RFWD3: variants seen among roughly 807,000 people sequenced by gnomAD.
The protein encoded by RFWD3 is E3 ubiquitin-protein ligase RFWD3.
A neutral mutation model predicts 87.7 loss-of-function variants in RFWD3; 65 were observed. The observed-to-expected ratio is 0.74, with a 90% CI of 0.61 to 0.91. RFWD3 has a LOEUF of 0.91. Among genes scored for constraint, RFWD3 ranks in the 40% least tolerant of loss-of-function variants. The probability of loss-of-function intolerance (pLI) is 0.00; values close to 1 mark genes in which losing one functional copy is unlikely to be tolerated. For missense variants in RFWD3, 1,078 were observed against 938.5 expected, an observed-to-expected ratio of 1.15 and a Z score of -1.94; for synonymous variants, 433 against 352.8, an observed-to-expected ratio of 1.23 and a Z score of -2.55.
chr16:74,640,386 C>T (rs910261856), intron 6 of RFWD3, among the ~76,000 whole-genome samples: 2 of 151,950 alleles, frequency 1.3e-5, no homozygotes, highest in South Asian at 2.1e-4. Flanking sequence ...CCTTGTGATC[C>T]GCCCACCTCA....
chr16:74,661,014 C>T lies in RFWD3; in HGVS notation c.436G>A (p.Val146Ile). ...CTCCTTCTTGTTCTCATTGGCCCTACACTGTGGTTTGAAGATGAAGGTCTC... is the reference window on the plus strand; with the variant it reads ...CTCCTTCTTGTTCTCATTGGCCCTATACTGTGGTTTGAAGATGAAGGTCTC... ...FLRPSSSNHS[V>I]GPMRTRRRVS... The change falls in exon 2 of 13, where the codon GTA (valine) becomes ATA (isoleucine). Residue 146 changes from valine (V) to isoleucine (I), a missense_variant. Physicochemically the swap from Val to Ile is conservative, Grantham distance 29. Coordinates refer to ENST00000361070, the MANE Select transcript of RFWD3 (RefSeq NM_018124.4). 1 of 1,614,246 alleles carries T rather than the reference C, an allele frequency of 6.2e-7. No individual in the cohort carries two copies. Among genetic ancestry groups the T allele is most frequent in the South Asian group, 1.1e-5 (1 of 91,088 alleles).
At chr16:74,644,482 G>A (rs1432169308) in intron 5 of RFWD3, 29 bp from the exon 6 acceptor site, 3 of 1,613,942 alleles carry the variant, frequency 1.9e-6, no homozygotes, top group East Asian at 2.2e-5. Context: ...CATAATTAGA[G>A]TGGTTCTAGG....
chr16:74,628,382 C>A, intron 11 of RFWD3, 70 bp downstream of exon 11: 1 of 1,452,976 alleles, frequency 6.9e-7, no homozygotes, highest in Non-Finnish European at 9.6e-7. Flanking sequence ...AGGGTAGGAT[C>A]AAACCCTCCT....
intron 4 of RFWD3, among the ~76,000 whole-genome samples, chr16:74,645,403 G>A (rs755058477): frequency 1.3e-5 from 2 of 152,206 alleles, no homozygotes; most frequent in African/African-American, 2.4e-5. Context: ...TGAGAAATGC[G>A]TCTTTAGGCG....
Position 74,630,845 on chromosome 16 carries a change from T to G in RFWD3, c.1690A>C (p.Ile564Leu). The G allele has an allele frequency of 6.2e-7, 1 of 1,613,580 alleles. No individual in the cohort carries two copies. The highest frequency in any genetic ancestry group is 8.5e-7 in the Non-Finnish European group (1 of 1,179,832). ...YIYAGLANGS[I>L]LVYDVRNTSS... The stretch of plus-strand genomic sequence containing the variant: ...GTGTTTCGCACGTCATATACCAGAA[T>G]TGAACCATTGGCCAGTCCAGCATAG... Residue 564 changes from isoleucine (I) to leucine (L), a missense_variant, in exon 10 of 13, where the codon ATT becomes CTT. Ile to Leu is a conservative substitution (Grantham distance 5). Transcript: ENST00000361070.
At chr16:74,649,747 A>G (rs191436539) in intron 3 of RFWD3, among the ~76,000 whole-genome samples, 117 of 152,290 alleles carry the variant, frequency 7.7e-4, no homozygotes, top group African/African-American at 2.6e-3. Context: ...AGAATCCAAA[A>G]AAAGTCTCCA....
At position 74,628,577 on chromosome 16, in the gene RFWD3, G is replaced by A. The variant is rs759964125; in HGVS notation, c.1844C>T (p.Ala615Val). The change falls in exon 11 of 13, where the codon GCT becomes GTT. Residue 615 changes from alanine (A) to valine (V), a missense_variant. Coordinates refer to ENST00000361070, the MANE Select transcript of RFWD3 (RefSeq NM_018124.4). Reference protein sequence around the residue: ...GGVLAGTLEDASFWEQKMDFS... With the variant: ...GGVLAGTLEDVSFWEQKMDFS... ...GTCCATTTTCTGTTCCCAGAATGAA[G>A]CATCCTCCAAGGTTCCAGCCAGCAC... The A allele has an allele frequency of 1.9e-6, 3 of 1,614,066 alleles. No individual in the cohort carries two copies. The highest frequency in any genetic ancestry group is 1.3e-5 in the African/African-American group (1 of 74,926).
In RFWD3 at chr16:74,636,332, T is replaced by TCTAG. The variant is rs760711148; in HGVS notation, c.1426+10_1426+13dup. ...TAATAAAGAACATGAAAGCTGAGGT[T>TCTAG]CTAGACTCTTTACCTGGAAGAAAAG... On this transcript the variant is annotated intron_variant, in intron 8 of 12. Transcript: ENST00000361070. The TCTAG allele has an allele frequency of 1.2e-6, 2 of 1,608,500 alleles. No homozygotes were observed. The highest frequency in any genetic ancestry group is 2.7e-5 in the African/African-American group (2 of 74,790).
At chr16:74,649,095 A>G in intron 4 of RFWD3, 37 bp downstream of exon 4, 1 of 1,388,176 alleles carries the variant, frequency 7.2e-7, no homozygotes, top group South Asian at 1.2e-5. Flanking sequence ...ATAAATAAAT[A>G]AATAAATAGA....
chr16:74,630,289 G>A (rs938044435), intron 10 of RFWD3, among the ~76,000 whole-genome samples: 2 of 152,134 alleles, frequency 1.3e-5, no homozygotes, highest in Non-Finnish European at 2.9e-5. Flanking sequence ...CAGTAGAGAC[G>A]GGGTTTTACC....
chr16:74,631,742 T>C lies in RFWD3; in HGVS notation c.1577+781A>G, dbSNP rs536262353. ...GGACCAGGAGTAAACAGTACCAACCTGGTATGGCGACTCTGATGTCAGGCA... is the reference window on the plus strand; with the variant it reads ...GGACCAGGAGTAAACAGTACCAACCCGGTATGGCGACTCTGATGTCAGGCA... On this transcript the variant is annotated intron_variant, in intron 9 of 12. Transcript: ENST00000361070. 1.2e-3 allele frequency among the ~76,000 whole-genome samples: 183 copies of C among 152,206 alleles called. 1 individual carries two copies. The highest frequency in any genetic ancestry group is 4.3e-3 in the African/African-American group (180 of 41,546).
intron 11 of RFWD3, among the ~76,000 whole-genome samples, chr16:74,626,967 A>T (rs1236505754): frequency 6.6e-6 from 1 of 152,198 alleles, no homozygotes; most frequent in African/African-American, 2.4e-5. Flanking sequence ...ATAAAGTGAA[A>T]GCATGCTATT....
chr16:74,655,252 T>C (rs1484849900), intron 2 of RFWD3, among the ~76,000 whole-genome samples: 1 of 152,066 alleles, frequency 6.6e-6, no homozygotes, highest in African/African-American at 2.4e-5. Flanking sequence ...GATGCTCTTT[T>C]TTTTTGAGAC....
intron 6 of RFWD3, among the ~76,000 whole-genome samples, chr16:74,643,679 T>C (rs1959854990): frequency 8.8e-6 from 1 of 113,896 alleles, no homozygotes; most frequent in Non-Finnish European, 2.0e-5. Context: ...GTTTTTTTTT[T>C]TTTTTTTTTT....
chr16:74,649,278 G>A (rs1960401929), intron 3 of RFWD3, 76 bp from the exon 4 acceptor site: 1 of 1,053,650 alleles, frequency 9.5e-7, no homozygotes, highest in Non-Finnish European at 1.4e-6. Flanking sequence ...AAGCTAGCAG[G>A]AGAGAGCCTG....
At chr16:74,637,813 T>C (rs767059852) in intron 7 of RFWD3, 43 bp downstream of exon 7, 7 of 1,419,746 alleles carry the variant, frequency 4.9e-6, no homozygotes, top group Non-Finnish European at 6.9e-6. Flanking sequence ...TCCTCTTCCA[T>C]TCCTATTCCA....
rs1270553532 is a variant in RFWD3, at chr16:74,637,842, A to G, written c.1194+14T>C. ...TATTCCAAAAGTTCTTTGGATTAGA[A>G]AGGACAAACGTACCTGAACACGCCT... On this transcript the variant is annotated intron_variant, in intron 7 of 12. Transcript: ENST00000361070. The G allele has an allele frequency of 6.3e-7, 1 of 1,595,322 alleles. No homozygotes were observed.
At position 74,661,417 on chromosome 16, in the gene RFWD3, C is replaced by G. The variant is rs1419172908; in HGVS notation, c.33G>C (p.Gln11His). 6.2e-6 allele frequency: 10 copies of G among 1,613,208 alleles called. No homozygotes were observed. The highest frequency in any genetic ancestry group is 7.6e-6 in the Non-Finnish European group (9 of 1,179,734). The change falls in exon 2 of 13, where the codon CAG becomes CAC. Residue 11 changes from glutamine (Q) to histidine (H), a missense_variant. Coordinates refer to ENST00000361070, the MANE Select transcript of RFWD3 (RefSeq NM_018124.4). MAHEAMEYDV[Q>H]VQLNHAEQQP... is the part of the protein sequence containing the mutation. The stretch of plus-strand genomic sequence containing the variant: ...GTTGTTCGGCATGATTTAACTGCAC[C>G]TGAACATCATATTCCATTGCTTCAT...
chr16:74,660,900 A>G (rs1427693212), intron 2 of RFWD3, 32 bp downstream of exon 2: 2 of 1,579,034 alleles, frequency 1.3e-6, no homozygotes, highest in South Asian at 1.2e-5. Flanking sequence ...TAGTACAGCA[A>G]TGATCACAGA....
Sources: allele counts gnomAD v4.1 joint callset (sites outside exome capture counted in the v4.1 genomes callset), GRCh38; gene constraint gnomAD v4.1.1; transcripts MANE v1.5; gene names NCBI Gene and HGNC (gene_info 2026-07-23, HGNC 2026-07-21).